Variants in PTPRN2 observed in about 807,000 individuals in gnomAD.
The protein encoded by PTPRN2 is receptor-type tyrosine-protein phosphatase N2.
Under a neutral mutation model 118.8 loss-of-function variants are expected in PTPRN2, and 74 were observed. The observed-to-expected ratio is 0.62, with a 90% CI of 0.52 to 0.76. The LOEUF (loss-of-function observed/expected upper bound fraction) is 0.76. PTPRN2 is among the 30% of genes least tolerant of loss of function. The pLI is 0.00. For synonymous variants in PTPRN2, 641 were observed against 608.0 expected (o/e 1.05, Z -0.80); for missense variants, 1,481 against 1,394.4 (o/e 1.06, Z -0.99).
rs570509639 is a variant in PTPRN2 at position 158,550,035 on chromosome 7, C to G, written c.112+37523G>C. On this transcript the variant is annotated intron_variant, in intron 1 of 22. Coordinates refer to ENST00000389418, the MANE Select transcript of PTPRN2 (RefSeq NM_002847.5). ...ACTCGGGGCTGGGAGAGGTCGGCGT[C>G]AGGAAGGACCTCATGGGGCTTTCAC... 2.0e-5 allele frequency among the ~76,000 whole-genome samples: 3 copies of G among 152,306 alleles called. No homozygotes were observed. In the East Asian group the frequency reaches 5.8e-4, roughly 30 times the overall value.
At position 157,711,261 on chromosome 7, in the gene PTPRN2, G is replaced by A. The variant is rs1011623521; in HGVS notation, c.1789-28324C>T. 4.8e-4 allele frequency among the ~76,000 whole-genome samples: 2 copies of A among 4,142 alleles called. 1 individual carries two copies. The highest frequency in any genetic ancestry group is 7.2e-4 in the Non-Finnish European group (2 of 2,782). 2.7% of individuals were successfully genotyped at this position (4,142 alleles called of 152,430 possible). A position where few individuals can be genotyped will look rare whatever the true frequency, so the allele number is the denominator to read the frequency against. ...CCGGGTTACACGCAGAGCCCCACGC[G>A]CCGGAGGTTCCGGGGCAGCCGGGTT... On this transcript the variant is annotated intron_variant, in intron 12 of 22. Coordinates refer to ENST00000389418, the MANE Select transcript of PTPRN2 (RefSeq NM_002847.5).
chr7:158,336,945 TCACTCA>T (rs1391224080), intron 2 of PTPRN2, among the ~76,000 whole-genome samples: 8 of 88,034 alleles, frequency 9.1e-5, no homozygotes, highest in African/African-American at 2.7e-4. Context: ...CCCACACTCG[TCACTCA>T]CACTCACACT....
At chr7:158,072,836 C>T (rs567899881) in intron 11 of PTPRN2, among the ~76,000 whole-genome samples, 24 of 152,262 alleles carry the variant, frequency 1.6e-4, no homozygotes, top group African/African-American at 5.1e-4. Flanking sequence ...AACGGGCTGG[C>T]GGAACATAAT....
chr7:157,921,400 G>A (rs1456873188), intron 11 of PTPRN2, among the ~76,000 whole-genome samples: 2 of 152,180 alleles, frequency 1.3e-5, no homozygotes, highest in African/African-American at 2.4e-5. Context: ...TATGATGATG[G>A]ATACGTGTCA....
chr7:158,034,535 C>T (rs765460776), intron 11 of PTPRN2, among the ~76,000 whole-genome samples: 15 of 151,906 alleles, frequency 9.9e-5, no homozygotes, highest in East Asian at 1.9e-4. Flanking sequence ...CTCCTCCTTG[C>T]CTTCCACCAT....
At chr7:157,698,617 T>C (rs1177966503) in intron 12 of PTPRN2, among the ~76,000 whole-genome samples, 1 of 152,240 alleles carries the variant, frequency 6.6e-6, no homozygotes, top group Non-Finnish European at 1.5e-5. Flanking sequence ...ATTAGTTTTG[T>C]CCATTAAAAG....
chr7:157,920,631 A>G (rs929987348), intron 11 of PTPRN2, among the ~76,000 whole-genome samples: 6 of 152,248 alleles, frequency 3.9e-5, no homozygotes, highest in African/African-American at 1.4e-4. Context: ...CCGCACAAAC[A>G]GAGCTGCCCA....
chr7:158,135,177 A>C (rs1285820239), intron 8 of PTPRN2, among the ~76,000 whole-genome samples: 1 of 152,248 alleles, frequency 6.6e-6, no homozygotes, highest in Non-Finnish European at 1.5e-5. Context: ...AAACAGGAAA[A>C]TCTGATTCAC....
At chr7:158,164,652 C>G (rs4571685) in intron 6 of PTPRN2, among the ~76,000 whole-genome samples, 96,142 of 151,160 alleles carry the variant, frequency 0.64, 31,286 homozygotes, top group East Asian at 0.78. Context: ...ATGGGGGCGA[C>G]GATGTTTATT....
intron 3 of PTPRN2, among the ~76,000 whole-genome samples, chr7:158,207,330 G>A (rs951460972): frequency 1.3e-5 from 2 of 151,366 alleles, no homozygotes; most frequent in African/African-American, 4.9e-5. Context: ...ACCCAGTAAT[G>A]GGATGGCTGG....
chr7:158,527,321 T>C (rs1263759163), intron 1 of PTPRN2, among the ~76,000 whole-genome samples: 1 of 150,884 alleles, frequency 6.6e-6, no homozygotes, highest in East Asian at 2.0e-4. Context: ...CCGGAGCCAC[T>C]TCACTGCCTT....
At chr7:158,245,732 T>C (rs1051931640) in intron 3 of PTPRN2, among the ~76,000 whole-genome samples, 3 of 152,142 alleles carry the variant, frequency 2.0e-5, no homozygotes, top group Non-Finnish European at 4.4e-5. Flanking sequence ...GCACAGCGTC[T>C]CATGACGTGG....
intron 12 of PTPRN2, among the ~76,000 whole-genome samples, chr7:157,693,143 GGAGA>G (rs965955508): frequency 3.3e-5 from 5 of 151,926 alleles, no homozygotes; most frequent in African/African-American, 1.2e-4. Context: ...GGAAGACAGC[GGAGA>G]GAAGGGACGG....
chr7:158,318,760 G>A (rs1355361476), intron 2 of PTPRN2, among the ~76,000 whole-genome samples: 1 of 152,258 alleles, frequency 6.6e-6, no homozygotes, highest in East Asian at 1.9e-4. Context: ...CCCCGGGGTG[G>A]ACGTGCGTGG....
intron 11 of PTPRN2, among the ~76,000 whole-genome samples, chr7:157,952,385 G>T (rs1585076572): frequency 7.5e-6 from 1 of 133,658 alleles, no homozygotes; most frequent in African/African-American, 2.6e-5. Flanking sequence ...GGCAAGGGTG[G>T]GTAGTGTGCA....
intron 11 of PTPRN2, among the ~76,000 whole-genome samples, chr7:158,017,876 CCTT>C (rs1201792319): frequency 1.3e-5 from 2 of 152,166 alleles, no homozygotes; most frequent in African/African-American, 4.8e-5. Flanking sequence ...ATCGGGGTCC[CCTT>C]CTTTTAATTT....
At chr7:157,946,799 C>T (rs77339892) in intron 11 of PTPRN2, among the ~76,000 whole-genome samples, 7,059 of 152,264 alleles carry the variant, frequency 0.046, 530 homozygotes, top group African/African-American at 0.16. Flanking sequence ...AGTGAGAGAA[C>T]GGGACAGTAA....
At chr7:157,863,714 G>C (rs1810412291) in intron 12 of PTPRN2, 2 of 152,236 alleles carry the variant, frequency 1.3e-5, no homozygotes, top group African/African-American at 4.8e-5. Context: ...CAGAGGCGAT[G>C]AAGGTAAAAC....
intron 3 of PTPRN2, among the ~76,000 whole-genome samples, chr7:158,279,669 G>A (rs576651695): frequency 6.6e-5 from 10 of 152,194 alleles, no homozygotes; most frequent in East Asian, 3.9e-4. Flanking sequence ...AACCTGCGCC[G>A]GCCCACAAGC....
Sources: gnomAD v4.1 joint callset for allele counts (sites outside exome capture counted in the v4.1 genomes callset) on GRCh38, gnomAD v4.1.1 for gene constraint, MANE v1.5 for transcripts, NCBI Gene and HGNC (gene_info 2026-07-23, HGNC 2026-07-21) for gene names.